Variants in TBC1D22A observed in about 807,000 individuals in gnomAD.
The protein encoded by TBC1D22A is putative GTPase activator.
Under a neutral mutation model 60.2 loss-of-function variants are expected in TBC1D22A, and 38 were observed. That is an observed-to-expected ratio of 0.63 (90% CI 0.49 to 0.83). The LOEUF (loss-of-function observed/expected upper bound fraction) is 0.83, where lower values mean the gene tolerates loss of function less well. TBC1D22A is among the 40% of genes least tolerant of loss of function. The pLI is 0.00. For synonymous variants in TBC1D22A, 302 were observed against 281.7 expected, an observed-to-expected ratio of 1.07 and a Z score of -0.72; for missense variants, 628 against 701.0, an observed-to-expected ratio of 0.90 and a Z score of 1.18.
At chr22:46,794,288 A>C (rs1225457910) in intron 3 of TBC1D22A, among the ~76,000 whole-genome samples, 6 of 152,210 alleles carry the variant, frequency 3.9e-5, no homozygotes, top group Non-Finnish European at 8.8e-5. Context: ...CCCTCTAGGC[A>C]GCTTACAGGA....
rs1194794161 is a variant in TBC1D22A at position 46,878,698 on chromosome 22, G to A, written c.683G>A (p.Arg228His). The A allele has an allele frequency of 1.2e-6, 2 of 1,613,100 alleles. No homozygotes were observed. The highest frequency in any genetic ancestry group is 2.2e-5 in the South Asian group (2 of 91,080). Residue 228 changes from arginine to histidine, a missense_variant, in exon 5 of 13, where the codon CGT (arginine) becomes CAT (histidine). By Grantham distance (29) the Arg-to-His change is conservative. Transcript: ENST00000337137. ...LSWSGIPKPV[R>H]PMTWKLLSGY... Reference sequence around the variant, plus strand: ...TGGTCCGGAATCCCTAAGCCAGTGCGTCCAATGACGTGGAAGCTCCTCTCA... The same window carrying A: ...TGGTCCGGAATCCCTAAGCCAGTGCATCCAATGACGTGGAAGCTCCTCTCA...
rs115994694 is a variant in TBC1D22A, at chr22:47,068,188, C to T, written c.1329+30990C>T. On this transcript the variant is annotated intron_variant, in intron 11 of 12. Coordinates refer to ENST00000337137, the MANE Select transcript of TBC1D22A (RefSeq NM_014346.5). ...TGTGGGCAGAAGTCTCCACTCTGGCCGGACCCTTGACTGGGGTAGCCACCC... is the reference window on the plus strand; with the variant it reads ...TGTGGGCAGAAGTCTCCACTCTGGCTGGACCCTTGACTGGGGTAGCCACCC... Among the ~76,000 whole-genome samples the T allele has an allele frequency of 3.1e-3, 475 of 152,354 alleles. 4 individuals carry two copies. Among genetic ancestry groups the T allele is most frequent in the African/African-American group, 9.0e-3 (374 of 41,594 alleles).
chr22:47,031,722 C>T (rs375573920), intron 10 of TBC1D22A, among the ~76,000 whole-genome samples: 1 of 152,182 alleles, frequency 6.6e-6, no homozygotes, highest in East Asian at 1.9e-4. Context: ...CCTCACCTGC[C>T]TCACCTCACA....
At chr22:46,913,825 G>A in intron 8 of TBC1D22A, 1 of 915,408 alleles carries the variant, frequency 1.1e-6, no homozygotes, top group South Asian at 5.0e-5. Flanking sequence ...AGACCTAAGC[G>A]ATTCTTAATG....
At chr22:47,061,963 C>A (rs1318308056) in intron 11 of TBC1D22A, among the ~76,000 whole-genome samples, 1 of 151,840 alleles carries the variant, frequency 6.6e-6, no homozygotes, top group Admixed American at 6.6e-5. Flanking sequence ...TGGTGCATGC[C>A]AGTGATCCCA....
chr22:47,171,101 G>A (rs7290374), intron 12 of TBC1D22A, among the ~76,000 whole-genome samples: 51,132 of 152,150 alleles, frequency 0.34, 10,555 homozygotes, highest in East Asian at 0.72. Context: ...CCTATGTGGA[G>A]AGCCTGCCAT....
chr22:46,793,477 G>C, intron 2 of TBC1D22A, 24 bp from the exon 3 acceptor site: 2 of 1,613,376 alleles, frequency 1.2e-6, no homozygotes. Flanking sequence ...GCATGTACGA[G>C]TAAAGACTGC....
At position 47,173,713 on chromosome 22, in the gene TBC1D22A, C is replaced by G. The variant is rs939701922; in HGVS notation, c.*87C>G. On this transcript the variant is annotated 3_prime_UTR_variant, in exon 13 of 13. Transcript: ENST00000337137. The stretch of plus-strand genomic sequence containing the variant: ...GTGGTAGGCCCCTGTGAGCTGGTCC[C>G]GGGCTGCTAAAAGGCCTTGTGAGGT... 15 of 1,586,420 alleles carry G rather than the reference C, an allele frequency of 9.5e-6. No individual in the cohort carries two copies. The highest frequency in any genetic ancestry group is 1.3e-5 in the Non-Finnish European group (15 of 1,164,960).
intron 11 of TBC1D22A, among the ~76,000 whole-genome samples, chr22:47,089,190 G>A (rs2064819222): frequency 6.6e-6 from 1 of 152,164 alleles, no homozygotes; most frequent in Admixed American, 6.5e-5. Context: ...ACACATGATT[G>A]GGAGGCATGC....
chr22:46,927,549 T>C (rs964248851), intron 8 of TBC1D22A, among the ~76,000 whole-genome samples: 8 of 152,228 alleles, frequency 5.3e-5, no homozygotes, highest in African/African-American at 1.4e-4. Flanking sequence ...GATATGGATA[T>C]CTACTTTCTC....
intron 8 of TBC1D22A, among the ~76,000 whole-genome samples, chr22:46,956,095 A>G (rs930188476): frequency 2.6e-5 from 4 of 152,158 alleles, no homozygotes; most frequent in African/African-American, 4.8e-5. Flanking sequence ...TTTAGTCTCA[A>G]TTCTGGTTTA....
chr22:46,800,275 T>C (rs1427813211), intron 4 of TBC1D22A, among the ~76,000 whole-genome samples: 1 of 152,044 alleles, frequency 6.6e-6, no homozygotes, highest in African/African-American at 2.4e-5. Flanking sequence ...TAGCCATGGG[T>C]GAGGCGAGAA....
At chr22:47,060,524 G>A (rs370868683) in intron 11 of TBC1D22A, among the ~76,000 whole-genome samples, 18 of 152,080 alleles carry the variant, frequency 1.2e-4, no homozygotes, top group South Asian at 2.1e-4. Context: ...TCCGCTTCCC[G>A]GGTTCAAACG....
rs1214637308 is a variant in TBC1D22A, at chr22:46,990,644, G to A, written c.1126-6990G>A. Among the ~76,000 whole-genome samples the A allele has an allele frequency of 8.6e-5, 13 of 151,786 alleles. No homozygotes were observed. The highest frequency in any genetic ancestry group is 4.2e-4 in the South Asian group (2 of 4,780). On this transcript the variant is annotated intron_variant, in intron 9 of 12. Transcript: ENST00000337137. This position sits in a 1 kb window ranked among gnomAD's most constrained non-coding sequence, Gnocchi z 4.6. ...CCTGCCCTGAACACCCTCGTGCCCCGCCTGTTCATCCCCTTCCACCCAACC... is the reference window on the plus strand; with the variant it reads ...CCTGCCCTGAACACCCTCGTGCCCCACCTGTTCATCCCCTTCCACCCAACC...
intron 1 of TBC1D22A, chr22:46,774,104 G>C (rs1479948001): frequency 1.0e-6 from 1 of 985,548 alleles, no homozygotes; most frequent in Non-Finnish European, 1.2e-6. Flanking sequence ...CCTCCTGTTT[G>C]AACTCAGGCT....
intron 7 of TBC1D22A, among the ~76,000 whole-genome samples, chr22:46,911,082 C>G (rs939331682): frequency 6.6e-6 from 1 of 152,042 alleles, no homozygotes; most frequent in Non-Finnish European, 1.5e-5. Context: ...CAGGTGTGCA[C>G]ATGTGCACGT....
Position 47,024,960 on chromosome 22 carries a change from G to A in TBC1D22A, c.1202-12111G>A, listed in dbSNP as rs115138711. ...TGCTAACACCAATCTAAAGAAAACG[G>A]TAATGTCTATATTAATGGCAAACAG... On this transcript the variant is annotated intron_variant, in intron 10 of 12. Transcript: ENST00000337137. Among the ~76,000 whole-genome samples the A allele has an allele frequency of 2.3e-3, 347 of 152,312 alleles. 1 individual carries two copies. The highest frequency in any genetic ancestry group is 8.0e-3 in the African/African-American group (334 of 41,552).
intron 12 of TBC1D22A, among the ~76,000 whole-genome samples, chr22:47,129,502 C>G (rs1477222730): frequency 6.6e-6 from 1 of 152,102 alleles, no homozygotes; most frequent in African/African-American, 2.4e-5. Flanking sequence ...AACAAAAAAC[C>G]GTAAGAGGCT....
At chr22:46,930,518 C>T (rs182561401) in intron 8 of TBC1D22A, among the ~76,000 whole-genome samples, 236 of 152,124 alleles carry the variant, frequency 1.6e-3, no homozygotes, top group African/African-American at 5.5e-3. Context: ...TGCAATGGCG[C>T]GATCTTGGCT....
Sources: allele counts gnomAD v4.1 joint callset (sites outside exome capture counted in the v4.1 genomes callset), GRCh38; gene constraint gnomAD v4.1.1; non-coding constraint Gnocchi (gnomAD v3.1); transcripts MANE v1.5; gene names NCBI Gene and HGNC (gene_info 2026-07-23, HGNC 2026-07-21).